Variants in ATP8A2 observed in about 807,000 individuals in gnomAD.
ATP8A2 encodes the protein phospholipid-transporting ATPase IB.
A neutral mutation model predicts 165.6 loss-of-function variants in ATP8A2; 100 were observed. That is an observed-to-expected ratio of 0.60 (90% CI 0.51 to 0.71). The LOEUF (loss-of-function observed/expected upper bound fraction) is 0.71. Among genes scored for constraint, ATP8A2 ranks in the 30% least tolerant of loss-of-function variants. ATP8A2 has a pLI of 0.00. For synonymous variants in ATP8A2, 543 were observed against 548.8 expected (o/e 0.99, Z 0.15); for missense variants, 1,227 against 1,479.5 (o/e 0.83, Z 2.80).
intron 33 of ATP8A2, among the ~76,000 whole-genome samples, chr13:25,951,128 G>A (rs1955344917): frequency 6.6e-6 from 1 of 152,158 alleles, no homozygotes; most frequent in African/African-American, 2.4e-5. Flanking sequence ...ACTCCCAGGT[G>A]TTGACCCAAA....
intron 1 of ATP8A2, among the ~76,000 whole-genome samples, chr13:25,390,153 C>G (rs1007952618): frequency 2.6e-5 from 4 of 152,110 alleles, no homozygotes; most frequent in African/African-American, 9.7e-5. Flanking sequence ...GCCTTAACAC[C>G]CAGCTAATTT....
At chr13:25,699,478 T>C in intron 25 of ATP8A2, 133 bp downstream of exon 25, 1 of 698,318 alleles carries the variant, frequency 1.4e-6, no homozygotes, top group Non-Finnish European at 2.1e-6. Context: ...AAAATACAAA[T>C]TTATTTTTAA....
At chr13:25,443,867 G>C (rs1311905310) in intron 1 of ATP8A2, among the ~76,000 whole-genome samples, 1 of 152,206 alleles carries the variant, frequency 6.6e-6, no homozygotes, top group Non-Finnish European at 1.5e-5. Context: ...TCCATTGAGT[G>C]ATAGAATATT....
At chr13:25,939,135 G>A (rs1217117149) in intron 33 of ATP8A2, among the ~76,000 whole-genome samples, 5 of 152,046 alleles carry the variant, frequency 3.3e-5, no homozygotes, top group East Asian at 1.9e-4. Context: ...GAGCCACCAC[G>A]CCAGGCCTTC....
At chr13:25,822,117 T>A (rs1267411801) in intron 27 of ATP8A2, among the ~76,000 whole-genome samples, 1 of 152,210 alleles carries the variant, frequency 6.6e-6, no homozygotes, top group Non-Finnish European at 1.5e-5. Flanking sequence ...ATTCTTATCT[T>A]GCAGTGCATG....
chr13:25,602,078 A>G (rs1444153320), intron 24 of ATP8A2, among the ~76,000 whole-genome samples: 1 of 152,164 alleles, frequency 6.6e-6, no homozygotes, highest in Admixed American at 6.5e-5. Context: ...TTGTAATTAA[A>G]CTTGCTTATC....
intron 24 of ATP8A2, among the ~76,000 whole-genome samples, chr13:25,593,161 A>G (rs1018548038): frequency 6.6e-6 from 1 of 152,160 alleles, no homozygotes; most frequent in Non-Finnish European, 1.5e-5. Context: ...AATAAAGTAG[A>G]TATACAGTAG....
chr13:25,641,933 G>C (rs28835933), intron 24 of ATP8A2, among the ~76,000 whole-genome samples: 19 of 152,024 alleles, frequency 1.2e-4, no homozygotes, highest in Non-Finnish European at 2.6e-4. Context: ...ACAGAGCCCT[G>C]AGAAATAATA....
Position 25,538,031 on chromosome 13 carries a change from T to A in ATP8A2, c.551T>A (p.Leu184His), listed in dbSNP as rs1566238460. The A allele has an allele frequency of 6.2e-7, 1 of 1,614,014 alleles. No individual in the cohort carries two copies. The highest frequency in any genetic ancestry group is 1.7e-5 in the Admixed American group (1 of 60,008). ...GTGAAGGTCGTCAATGGGCAGTATC[T>A]TCCAGCAGATGTGGTCCTGCTGTCA... Reference protein sequence around the residue: ...DIVKVVNGQYLPADVVLLSSS... With the variant: ...DIVKVVNGQYHPADVVLLSSS... The change falls in exon 7 of 37, where the codon CTT (leucine) becomes CAT (histidine). Residue 184 changes from leucine to histidine, a missense_variant. Leu to His is a moderately conservative substitution (Grantham distance 99). Coordinates refer to ENST00000381655, the MANE Select transcript of ATP8A2 (RefSeq NM_016529.6).
chr13:25,806,015 C>A (rs1950727616), intron 27 of ATP8A2, among the ~76,000 whole-genome samples: 1 of 152,082 alleles, frequency 6.6e-6, no homozygotes, highest in African/African-American at 2.4e-5. Flanking sequence ...GAGCAGGCTC[C>A]TGGTGATGAG....
At chr13:25,883,794 C>T (rs963431293) in intron 33 of ATP8A2, among the ~76,000 whole-genome samples, 2 of 152,150 alleles carry the variant, frequency 1.3e-5, no homozygotes, top group African/African-American at 2.4e-5. Context: ...GCTGCACTGC[C>T]TGAAGCATGT....
chr13:25,748,189 C>T (rs1243424476), intron 25 of ATP8A2, among the ~76,000 whole-genome samples: 4 of 152,138 alleles, frequency 2.6e-5, no homozygotes, highest in African/African-American at 7.2e-5. Context: ...AAATTAAGAA[C>T]AATTTCACTC....
intron 27 of ATP8A2, among the ~76,000 whole-genome samples, chr13:25,781,575 G>A (rs1464920952): frequency 3.3e-5 from 5 of 152,078 alleles, no homozygotes; most frequent in South Asian, 2.1e-4. Flanking sequence ...TGCAACCTCC[G>A]CCTTCCAGGT....
chr13:25,389,831 A>C lies in ATP8A2; in HGVS notation c.76+17543A>C, dbSNP rs528374655. On this transcript the variant is annotated intron_variant, in intron 1 of 36. Coordinates refer to ENST00000381655, the MANE Select transcript of ATP8A2 (RefSeq NM_016529.6). Reference sequence around the variant, plus strand: ...GGACATGTAAAAAGGAAACAGTGAAAAGTAAGCGATGTCCAAGGCAATACT... The same window carrying C: ...GGACATGTAAAAAGGAAACAGTGAACAGTAAGCGATGTCCAAGGCAATACT... Among the ~76,000 whole-genome samples the C allele has an allele frequency of 2.0e-5, 3 of 152,320 alleles. No homozygotes were observed. The East Asian group carries it at 5.8e-4, about 29-fold the overall frequency.
chr13:25,842,670 A>C (rs79875950), intron 30 of ATP8A2, among the ~76,000 whole-genome samples: 1 of 145,758 alleles, frequency 6.9e-6, no homozygotes, highest in African/African-American at 2.5e-5. Flanking sequence ...AAACTCTGTC[A>C]AAAAAAAAAA....
Position 25,940,452 on chromosome 13 carries a change from G to A in ATP8A2, c.3184-21123G>A, listed in dbSNP as rs77454038. Among the ~76,000 whole-genome samples the A allele has an allele frequency of 3.6e-3, 551 of 152,168 alleles. 3 individuals carry two copies. Among genetic ancestry groups the A allele is most frequent in the African/African-American group, 0.013 (528 of 41,526 alleles). On this transcript the variant is annotated intron_variant, in intron 33 of 36. Coordinates refer to ENST00000381655, the MANE Select transcript of ATP8A2 (RefSeq NM_016529.6). ...TTTCAAGACCTTCTCCCTCCTGCCC[G>A]CTTCCTGCTGCCTTCCCGTCCTCTG... is the stretch of plus-strand genomic sequence containing the variant.
At chr13:25,393,194 A>G (rs955988228) in intron 1 of ATP8A2, among the ~76,000 whole-genome samples, 1 of 148,194 alleles carries the variant, frequency 6.7e-6, no homozygotes, top group Non-Finnish European at 1.5e-5. Flanking sequence ...CAGTGGCATG[A>G]TCATAACTCA....
chr13:25,880,256 G>A (rs150030745), intron 33 of ATP8A2, among the ~76,000 whole-genome samples: 74 of 152,172 alleles, frequency 4.9e-4, no homozygotes, highest in African/African-American at 1.7e-3. Context: ...AAAATCCAGC[G>A]GCTAATCCAT....
intron 25 of ATP8A2, among the ~76,000 whole-genome samples, chr13:25,733,462 G>A (rs547518544): frequency 2.0e-5 from 3 of 152,142 alleles, no homozygotes; most frequent in South Asian, 2.1e-4. Context: ...ATTTTTCATG[G>A]TGTGCTCTGT....
Sources: gnomAD v4.1 joint callset for allele counts (sites outside exome capture counted in the v4.1 genomes callset) on GRCh38, gnomAD v4.1.1 for gene constraint, MANE v1.5 for transcripts, NCBI Gene and HGNC (gene_info 2026-07-23, HGNC 2026-07-21) for gene names.